Variants in PRELID2 observed in about 807,000 individuals in gnomAD.
PRELID2 encodes the protein PRELI domain-containing protein 2.
PRELID2 carries 25 observed loss-of-function variants against 28.4 expected under a neutral mutation model. The observed-to-expected ratio is 0.88, with a 90% CI of 0.64 to 1.23. The LOEUF (loss-of-function observed/expected upper bound fraction) is 1.23. Ranked by LOEUF, PRELID2 falls within the 50% of genes most tolerant of loss-of-function variation. The pLI, the probability that PRELID2 is intolerant of heterozygous loss-of-function variation, is 0.00. For synonymous variants in PRELID2, 76 were observed against 71.6 expected (o/e 1.06, Z -0.31); for missense variants, 201 against 214.4 (o/e 0.94, Z 0.39).
At chr5:145,334,201 G>A in the PRELID2 span, among the ~76,000 whole-genome samples, 1 of 149,480 alleles carries the variant, frequency 6.7e-6, no homozygotes, top group Non-Finnish European at 1.5e-5. Flanking sequence ...AGCTGCAGAT[G>A]GGAGCTGTTA....
At chr5:145,257,865 G>T in the PRELID2 span, among the ~76,000 whole-genome samples, 1 of 152,148 alleles carries the variant, frequency 6.6e-6, no homozygotes, top group Non-Finnish European at 1.5e-5. Flanking sequence ...CCCCAGTGTT[G>T]GAGGTGGGGC....
chr5:145,413,027 G>T, the PRELID2 span, among the ~76,000 whole-genome samples: 1 of 151,848 alleles, frequency 6.6e-6, no homozygotes, highest in Non-Finnish European at 1.5e-5. Flanking sequence ...TGACACATTG[G>T]GATTATTACA....
At chr5:145,310,566 C>T in the PRELID2 span, among the ~76,000 whole-genome samples, 76 of 152,258 alleles carry the variant, frequency 5.0e-4, no homozygotes, top group African/African-American at 1.8e-3. Flanking sequence ...TAAAATTTAA[C>T]TCAAACTACC....
the PRELID2 span, among the ~76,000 whole-genome samples, chr5:145,237,484 T>C: frequency 1.1e-3 from 175 of 152,232 alleles, no homozygotes; most frequent in Non-Finnish European, 2.0e-3. Context: ...TGTGTAGTCA[T>C]TTCTAATCTC....
the PRELID2 span, among the ~76,000 whole-genome samples, chr5:145,303,030 G>A: frequency 6.6e-6 from 1 of 152,146 alleles, no homozygotes; most frequent in African/African-American, 2.4e-5. Flanking sequence ...CAACCTTGAA[G>A]TCAACAGTTA....
chr5:145,816,162 A>G (rs1397143758), intron 4 of PRELID2, among the ~76,000 whole-genome samples: 1 of 148,404 alleles, frequency 6.7e-6, no homozygotes, highest in Non-Finnish European at 1.5e-5. Context: ...GGCTCACTGA[A>G]ACCTTCGTCT....
the PRELID2 span, among the ~76,000 whole-genome samples, chr5:145,286,808 A>G: frequency 6.8e-6 from 1 of 146,066 alleles, no homozygotes; most frequent in Non-Finnish European, 1.5e-5. Flanking sequence ...TGCAACCTCT[A>G]CCTCCTGGAT....
In PRELID2 at chr5:145,600,994, A is replaced by G. The variant is rs541930591; in HGVS notation, n.71-127679T>C. ...GCAAAACATTGTCTCTACAACAATA[A>G]AATTTAAAAAAATAAATCTGGCATA... On this transcript the variant is annotated intron_variant and non_coding_transcript_variant, in intron 1 of 2. Coordinates refer to the PRELID2 transcript ENST00000510259. 3.3e-5 allele frequency among the ~76,000 whole-genome samples: 5 copies of G among 152,204 alleles called. No individual in the cohort carries two copies. The East Asian group carries it at 9.7e-4, about 29-fold the overall frequency.
the PRELID2 span, among the ~76,000 whole-genome samples, chr5:145,257,760 A>C: frequency 6.6e-6 from 1 of 152,218 alleles, no homozygotes; most frequent in African/African-American, 2.4e-5. Context: ...CATAACGATA[A>C]ATGGGTCAAT....
intron 1 of PRELID2, among the ~76,000 whole-genome samples, chr5:145,674,004 A>C (rs1290697601): frequency 6.6e-6 from 1 of 152,200 alleles, no homozygotes; most frequent in Non-Finnish European, 1.5e-5. Flanking sequence ...GTGAGTGCCA[A>C]TAAAATGTCA....
At chr5:145,314,833 A>T in the PRELID2 span, among the ~76,000 whole-genome samples, 1 of 151,908 alleles carries the variant, frequency 6.6e-6, no homozygotes, top group African/African-American at 2.4e-5. Flanking sequence ...TCTGACTTTT[A>T]ATAGGATAAA....
At position 145,536,089 on chromosome 5, in the gene PRELID2, A is replaced by C. The variant is rs148008961; in HGVS notation, n.71-62774T>G. ...TGTTTCCACGGTGTACATCTCATTG[A>C]CCAAAACAAAGCTCTTTAAAAATGA... On this transcript the variant is annotated intron_variant and non_coding_transcript_variant, in intron 1 of 2. Transcript: ENST00000510259. Among the ~76,000 whole-genome samples, 63 of 152,048 alleles carry C rather than the reference A, an allele frequency of 4.1e-4. No individual in the cohort carries two copies. In the Middle Eastern group the frequency reaches 0.01, roughly 25 times the overall value.
chr5:145,823,383 G>T (rs189294), intron 1 of PRELID2, among the ~76,000 whole-genome samples: 1 of 152,024 alleles, frequency 6.6e-6, no homozygotes, highest in African/African-American at 2.4e-5. Flanking sequence ...GGGGGATGAG[G>T]TTAAGCTAAT....
intron 1 of PRELID2, among the ~76,000 whole-genome samples, chr5:145,504,517 T>C (rs1752389712): frequency 6.6e-6 from 1 of 152,210 alleles, no homozygotes; most frequent in South Asian, 2.1e-4. Flanking sequence ...TTGAAATTTC[T>C]TTCAGTGGAC....
intron 1 of PRELID2, among the ~76,000 whole-genome samples, chr5:145,589,651 T>C (rs1403638400): frequency 1.3e-5 from 2 of 152,172 alleles, no homozygotes; most frequent in Non-Finnish European, 2.9e-5. Flanking sequence ...GCCTCAGTGC[T>C]TTTCTGGCCT....
chr5:145,658,204 T>A (rs1203306707), intron 1 of PRELID2, among the ~76,000 whole-genome samples: 2 of 152,158 alleles, frequency 1.3e-5, no homozygotes, highest in Admixed American at 1.3e-4. Flanking sequence ...GTTAGGACTA[T>A]GAACAAAAAA....
At chr5:145,775,542 TG>T (rs1758358625) in intron 5 of PRELID2, among the ~76,000 whole-genome samples, 1 of 152,198 alleles carries the variant, frequency 6.6e-6, no homozygotes, top group Non-Finnish European at 1.5e-5. Flanking sequence ...TGACACTAAG[TG>T]AAGCTCCCTT....
chr5:145,385,951 A>G, the PRELID2 span, among the ~76,000 whole-genome samples: 1 of 152,052 alleles, frequency 6.6e-6, no homozygotes, highest in East Asian at 1.9e-4. Context: ...TGTAATCCCC[A>G]TAATCCCTAT....
intron 1 of PRELID2, among the ~76,000 whole-genome samples, chr5:145,561,243 A>G (rs1456393669): frequency 6.6e-6 from 1 of 152,222 alleles, no homozygotes; most frequent in Non-Finnish European, 1.5e-5. Flanking sequence ...ATGCAAATAC[A>G]TATTAACTTC....
Sources: gnomAD v4.1 joint callset for allele counts (sites outside exome capture counted in the v4.1 genomes callset) on GRCh38, gnomAD v4.1.1 for gene constraint, MANE v1.5 for transcripts, NCBI Gene and HGNC (gene_info 2026-07-23, HGNC 2026-07-21) for gene names.